Variants in IVD observed in about 807,000 individuals in gnomAD.
IVD encodes the protein isovaleryl-CoA dehydrogenase.
In IVD, 31 loss-of-function variants were observed where a neutral mutation model predicts 51.3. The ratio of observed to expected loss-of-function variants is 0.60; its 90% confidence interval spans 0.45 to 0.81. The LOEUF is 0.81. IVD is among the 40% of genes least tolerant of loss of function. The pLI, the probability that IVD is intolerant of heterozygous loss-of-function variation, is 0.00. For missense variants in IVD, 475 were observed against 552.0 expected (o/e 0.86, Z 1.40); for synonymous variants, 205 against 219.4 (o/e 0.93, Z 0.58).
At position 40,419,166 on chromosome 15, in the gene IVD, C is replaced by G; in HGVS notation, c.*903C>G. ...AAAACAAAACAAAAAAACCCTGGCC[C>G]TTGTTTCTTCCAGTTTCTAGAGGTA... On this transcript the variant is annotated 3_prime_UTR_variant, in exon 12 of 12. Transcript: ENST00000487418. 1 of 1,289,284 alleles carries G rather than the reference C, an allele frequency of 7.8e-7. No individual in the cohort carries two copies. Among genetic ancestry groups the G allele is most frequent in the Non-Finnish European group, 1.0e-6 (1 of 988,852 alleles). The allele number at this position is 1,289,284 out of a possible 1,614,324, so 79.9% of individuals were successfully genotyped here.
At chr15:40,413,278 C>T in intron 7 of IVD, 191 bp downstream of exon 7, 1 of 642,160 alleles carries the variant, frequency 1.6e-6, no homozygotes, top group East Asian at 2.9e-5. Context: ...CAGCGGCATG[C>T]CTAACTGGCA....
At chr15:40,423,027 C>T (rs1266482815), downstream of IVD, among the ~76,000 whole-genome samples, 1 of 151,998 alleles carries the variant, frequency 6.6e-6, no homozygotes, top group Non-Finnish European at 1.5e-5. Flanking sequence ...GATCCTCTGG[C>T]CTCAGTCCTC....
At position 40,433,063 on chromosome 15, in the gene IVD, C is replaced by T. The variant is rs535360940; in HGVS notation, c.720-791C>T. ...TCTAAGTACTTTATATGTTTTAAGA[C>T]ACTGTAGCGCCAGGACTGTACTCAG... On this transcript the variant is annotated intron_variant, in intron 7 of 8. Transcript: ENST00000473112. Among the ~76,000 whole-genome samples the T allele has an allele frequency of 1.1e-4, 17 of 152,292 alleles. 1 individual carries two copies. The highest frequency in any genetic ancestry group is 3.8e-4 in the African/African-American group (16 of 41,560).
rs1226673737 is a variant in IVD, at chr15:40,421,255, A to G, written c.*2992A>G. Reference sequence around the variant, plus strand: ...GGGAGGTGATTTCTTTCCTGGTTCTATATGTGAAGCAAAATAAATGTTTTA... The same window carrying G: ...GGGAGGTGATTTCTTTCCTGGTTCTGTATGTGAAGCAAAATAAATGTTTTA... On this transcript the variant is annotated 3_prime_UTR_variant, in exon 12 of 12. Coordinates refer to ENST00000487418, the MANE Select transcript of IVD (RefSeq NM_002225.5). The G allele has an allele frequency of 1.0e-5, 10 of 985,024 alleles. No homozygotes were observed. Among genetic ancestry groups the G allele is most frequent in the East Asian group, 1.1e-4 (1 of 8,744 alleles). 61.0% of individuals were successfully genotyped at this position (985,024 alleles called of 1,614,324 possible). A position where few individuals can be genotyped will look rare whatever the true frequency, so the allele number is the denominator to read the frequency against.
At chr15:40,417,627 G>A (rs57435905) in intron 11 of IVD, among the ~76,000 whole-genome samples, 31 of 151,992 alleles carry the variant, frequency 2.0e-4, no homozygotes, top group African/African-American at 7.2e-4. Context: ...TACGTGAATC[G>A]TCCCTTTGTG....
In IVD at chr15:40,408,133, A is replaced by T. The variant is rs940321406; in HGVS notation, c.286+143A>T. The T allele has an allele frequency of 1.1e-5, 8 of 757,534 alleles. No homozygotes were observed. The Admixed American group carries it at 1.4e-4, about 13-fold the overall frequency. 46.9% of individuals were successfully genotyped at this position (757,534 alleles called of 1,614,324 possible). A position where few individuals can be genotyped will look rare whatever the true frequency, so the allele number is the denominator to read the frequency against. ...TTTGGACCTGTGAAAGCACCCATTG[A>T]TTGTCAGCCCAGAGAACAGGACACT... is the stretch of plus-strand genomic sequence containing the variant. On this transcript the variant is annotated intron_variant, in intron 3 of 11. Transcript: ENST00000487418.
At chr15:40,425,006 G>T (rs1295944063), downstream of IVD, among the ~76,000 whole-genome samples, 12 of 152,296 alleles carry the variant, frequency 7.9e-5, no homozygotes, top group Non-Finnish European at 1.8e-4. Flanking sequence ...CCAGAGCCCA[G>T]CCGCAGAAGG....
At chr15:40,407,504 C>T in intron 1 of IVD, 132 bp from the exon 2 acceptor site, 1 of 756,654 alleles carries the variant, frequency 1.3e-6, no homozygotes, top group Non-Finnish European at 2.4e-6. Flanking sequence ...TCTGAGGAGG[C>T]ATAAACTACT....
chr15:40,435,791 C>A, downstream of IVD: 1 of 803,842 alleles, frequency 1.2e-6, no homozygotes, highest in Non-Finnish European at 1.5e-6. Flanking sequence ...GCAGCCTGCC[C>A]GAAGAGTGCC....
At chr15:40,422,535 G>A (rs1440652129), downstream of IVD, among the ~76,000 whole-genome samples, 1 of 141,250 alleles carries the variant, frequency 7.1e-6, no homozygotes, top group Admixed American at 7.3e-5. Flanking sequence ...TACCCACCTC[G>A]GCCTCCCAAA....
Position 40,415,491 on chromosome 15 carries a change from A to G in IVD, c.960+9A>G, listed in dbSNP as rs776804343. 6.2e-7 allele frequency: 1 copy of G among 1,612,924 alleles called. No homozygotes were observed. The highest frequency in any genetic ancestry group is 1.7e-5 in the Admixed American group (1 of 59,994). ...AGATCGGCCACTTCCAGGTGAGCCG[A>G]GTGCTTTTGCTGACATGTACTCTTC... On this transcript the variant is annotated intron_variant, in intron 9 of 11. Coordinates refer to ENST00000487418, the MANE Select transcript of IVD (RefSeq NM_002225.5).
intron 3 of IVD, 75 bp downstream of exon 3, chr15:40,408,065 G>C: frequency 7.1e-7 from 1 of 1,409,326 alleles, no homozygotes; most frequent in Non-Finnish European, 1.0e-6. Context: ...GAAGCAGGAA[G>C]GGAAGGGAAA....
intron 7 of IVD, among the ~76,000 whole-genome samples, chr15:40,433,501 G>A (rs1489894242): frequency 6.6e-6 from 1 of 152,150 alleles, no homozygotes; most frequent in Non-Finnish European, 1.5e-5. Flanking sequence ...CATAGTGGAT[G>A]CACCCCTGGT....
chr15:40,416,611 C>T (rs746767310), intron 11 of IVD, among the ~76,000 whole-genome samples: 5 of 152,074 alleles, frequency 3.3e-5, no homozygotes, highest in Non-Finnish European at 7.4e-5. Context: ...GCAGGAGAAT[C>T]GCTTGAACCC....
intron 2 of IVD, 25 bp downstream of exon 2, chr15:40,407,750 G>C: frequency 3.1e-6 from 5 of 1,600,988 alleles, no homozygotes; most frequent in African/African-American, 1.3e-5. Context: ...CCGGGCAGTC[G>C]GGGGCAGTCA....
chr15:40,430,875 C>T (rs751584965), intron 7 of IVD, among the ~76,000 whole-genome samples: 22 of 152,206 alleles, frequency 1.4e-4, no homozygotes, highest in African/African-American at 4.1e-4. Flanking sequence ...CTTTTGATAA[C>T]GGCTTTGCCA....
downstream of IVD, chr15:40,435,799 G>A: frequency 3.9e-6 from 3 of 767,406 alleles, no homozygotes; most frequent in South Asian, 1.1e-4. Flanking sequence ...CCCGAAGAGT[G>A]CCTGCTCCTT....
downstream of IVD, among the ~76,000 whole-genome samples, chr15:40,427,147 G>A (rs1892715553): frequency 6.6e-6 from 1 of 152,220 alleles, no homozygotes; most frequent in African/African-American, 2.4e-5. Flanking sequence ...TGGATCAGTG[G>A]CGGAAGTACA....
chr15:40,414,718 G>T, intron 7 of IVD, 171 bp from the exon 8 acceptor site: 1 of 1,166,966 alleles, frequency 8.6e-7, no homozygotes. Flanking sequence ...ACTTCTGACT[G>T]GAAGGGGTTC....
Sources: gnomAD v4.1 joint callset for allele counts (sites outside exome capture counted in the v4.1 genomes callset) on GRCh38, gnomAD v4.1.1 for gene constraint, MANE v1.5 for transcripts, NCBI Gene and HGNC (gene_info 2026-07-23, HGNC 2026-07-21) for gene names.